Variants in HNF4G observed in about 807,000 individuals in gnomAD.
HNF4G encodes hepatocyte nuclear factor 4-gamma.
In HNF4G, 21 loss-of-function variants were observed where a neutral mutation model predicts 50.9. The observed-to-expected ratio is 0.41, with a 90% CI of 0.29 to 0.59. HNF4G has a LOEUF of 0.59. Ranked by LOEUF, HNF4G falls within the 20% of genes least tolerant of loss-of-function variation. The pLI, the probability that HNF4G is intolerant of heterozygous loss-of-function variation, is 0.26. For missense variants in HNF4G, 527 were observed against 559.4 expected (o/e 0.94, Z 0.58); for synonymous variants, 198 against 185.6 (o/e 1.07, Z -0.54).
At chr8:75,440,804 A>G (rs938858182) in intron 1 of HNF4G, among the ~76,000 whole-genome samples, 1 of 152,144 alleles carries the variant, frequency 6.6e-6, no homozygotes, top group Non-Finnish European at 1.5e-5. Flanking sequence ...GTATAAAAGT[A>G]TATGTCCTCA....
chr8:75,449,792 C>G (rs550033435), intron 1 of HNF4G, among the ~76,000 whole-genome samples: 1 of 152,138 alleles, frequency 6.6e-6, no homozygotes, highest in Non-Finnish European at 1.5e-5. Context: ...CAGGCATGAG[C>G]CACCGCGCCC....
Position 75,556,572 on chromosome 8 carries a change from G to C in HNF4G, c.733+503G>C, listed in dbSNP as rs536477582. Among the ~76,000 whole-genome samples the C allele has an allele frequency of 3.3e-5, 5 of 152,222 alleles. No individual in the cohort carries two copies. In the South Asian group the frequency reaches 1.0e-3, roughly 32 times the overall value. On this transcript the variant is annotated intron_variant, in intron 6 of 9. Transcript: ENST00000396423. ...TTCGATAGACAGGAATGCTAGAAGA[G>C]GCTAAGGAAGGATAATAGGTGTGGG...
chr8:75,425,072 A>ATTTATTTATTTC (rs1810861549), intron 1 of HNF4G, among the ~76,000 whole-genome samples: 1 of 149,002 alleles, frequency 6.7e-6, no homozygotes, highest in Non-Finnish European at 1.5e-5. Flanking sequence ...CTATTTATTT[A>ATTTATTTATTTC]TTTATTTATT....
intron 1 of HNF4G, among the ~76,000 whole-genome samples, chr8:75,450,065 G>A (rs969035877): frequency 2.0e-5 from 3 of 152,118 alleles, no homozygotes; most frequent in Admixed American, 6.6e-5. Flanking sequence ...GTTTCTGTGA[G>A]TTTGATATTG....
intron 9 of HNF4G, among the ~76,000 whole-genome samples, chr8:75,562,592 G>A (rs1342770768): frequency 6.6e-6 from 1 of 152,126 alleles, no homozygotes; most frequent in Admixed American, 6.5e-5. Flanking sequence ...AACATTGTAG[G>A]AATCAACTGA....
intron 1 of HNF4G, among the ~76,000 whole-genome samples, chr8:75,459,243 A>T (rs575852480): frequency 1.3e-5 from 2 of 152,332 alleles, no homozygotes; most frequent in Admixed American, 1.3e-4. Flanking sequence ...CACCAAATGT[A>T]TCTCAGCAGT....
intron 1 of HNF4G, among the ~76,000 whole-genome samples, chr8:75,478,504 A>G (rs927209022): frequency 6.6e-6 from 1 of 152,086 alleles, no homozygotes; most frequent in Admixed American, 6.6e-5. Context: ...ATAGCACAGG[A>G]TCTTGAGTCC....
At chr8:75,412,808 A>T (rs999599288) in intron 1 of HNF4G, among the ~76,000 whole-genome samples, 1 of 152,062 alleles carries the variant, frequency 6.6e-6, no homozygotes, top group Admixed American at 6.6e-5. Context: ...GAATTAAGTT[A>T]TAGGGTCTCT....
chr8:75,530,472 A>T (rs1806299951), intron 2 of HNF4G, among the ~76,000 whole-genome samples: 1 of 152,112 alleles, frequency 6.6e-6, no homozygotes, highest in South Asian at 2.1e-4. Context: ...GCAGCCAGAG[A>T]AAGGAAATAT....
chr8:75,563,820 T>C (rs1807387142), intron 9 of HNF4G, among the ~76,000 whole-genome samples, 155 bp from the exon 10 acceptor site: 1 of 152,176 alleles, frequency 6.6e-6, no homozygotes, highest in Admixed American at 6.6e-5. Context: ...CAGTACGTCA[T>C]GGGCCAATAA....
At chr8:75,525,447 C>T (rs1049230537) in intron 2 of HNF4G, among the ~76,000 whole-genome samples, 3 of 152,140 alleles carry the variant, frequency 2.0e-5, no homozygotes, top group Non-Finnish European at 2.9e-5. Context: ...GAATTACAGG[C>T]GTGAGCCACC....
intron 1 of HNF4G, among the ~76,000 whole-genome samples, chr8:75,462,516 T>C (rs187067075): frequency 1.4e-4 from 21 of 152,272 alleles, no homozygotes; most frequent in Admixed American, 2.0e-4. Context: ...AACTTATACA[T>C]TGTTTATTTT....
At chr8:75,448,630 C>T (rs7004895) in intron 1 of HNF4G, among the ~76,000 whole-genome samples, 11,378 of 151,286 alleles carry the variant, frequency 0.075, 491 homozygotes, top group South Asian at 0.088. Context: ...CTGATAAGTA[C>T]TGCTGGATAC....
chr8:75,463,260 A>T (rs2130611782), intron 1 of HNF4G, among the ~76,000 whole-genome samples: 1 of 152,242 alleles, frequency 6.6e-6, no homozygotes, highest in East Asian at 1.9e-4. Context: ...TTTAAAAATC[A>T]TTTATAAAAT....
chr8:75,546,639 CTTTT>C (rs1281481878), intron 2 of HNF4G, among the ~76,000 whole-genome samples: 2 of 152,060 alleles, frequency 1.3e-5, no homozygotes, highest in Non-Finnish European at 2.9e-5. Flanking sequence ...TGACTTACTT[CTTTT>C]GTTTAGAATA....
intron 1 of HNF4G, among the ~76,000 whole-genome samples, chr8:75,458,495 A>T (rs2130599519): frequency 6.6e-6 from 1 of 152,168 alleles, no homozygotes; most frequent in Non-Finnish European, 1.5e-5. Flanking sequence ...ACAGGGGTCA[A>T]ATTTTCATAA....
chr8:75,451,701 T>C (rs1443855325), intron 1 of HNF4G, among the ~76,000 whole-genome samples: 1 of 152,256 alleles, frequency 6.6e-6, no homozygotes, highest in Non-Finnish European at 1.5e-5. Flanking sequence ...CATTGGTCTA[T>C]GTGCTTATTT....
chr8:75,522,523 A>G (rs1340751381), intron 2 of HNF4G, among the ~76,000 whole-genome samples: 6 of 152,222 alleles, frequency 3.9e-5, no homozygotes, highest in Admixed American at 6.5e-5. Context: ...ACTATATTGT[A>G]GGTCAAATTT....
chr8:75,436,662 A>G (rs955580669), intron 1 of HNF4G, among the ~76,000 whole-genome samples: 1 of 152,214 alleles, frequency 6.6e-6, no homozygotes, highest in Admixed American at 6.5e-5. Context: ...GACATAAGAG[A>G]ATATCCTTCT....
Sources: gnomAD v4.1 joint callset for allele counts (sites outside exome capture counted in the v4.1 genomes callset) on GRCh38, gnomAD v4.1.1 for gene constraint, MANE v1.5 for transcripts, NCBI Gene and HGNC (gene_info 2026-07-23, HGNC 2026-07-21) for gene names.